Variants in GXYLT1 observed in about 807,000 individuals in gnomAD.
GXYLT1 encodes glucoside xylosyltransferase 1.
Under a neutral mutation model 54.0 loss-of-function variants are expected in GXYLT1, and 29 were observed. That is an observed-to-expected ratio of 0.54 (90% CI 0.40 to 0.73). The LOEUF is 0.73. Ranked by LOEUF, GXYLT1 falls within the 30% of genes least tolerant of loss-of-function variation. The pLI is 0.00. For missense variants in GXYLT1, 490 were observed against 553.4 expected (o/e 0.89, Z 1.15); for synonymous variants, 176 against 204.1 (o/e 0.86, Z 1.17).
rs563975525 is a variant in GXYLT1, at chr12:42,096,658, T to C, written c.1161+784A>G. ...CAATTTGCAAATAACATGGTGAAGA[T>C]TGTTTTGGGCAAGAACCAACGATAG... On this transcript the variant is annotated intron_variant, in intron 7 of 7. Transcript: ENST00000398675. 1.2e-4 allele frequency among the ~76,000 whole-genome samples: 19 copies of C among 152,280 alleles called. No homozygotes were observed. The East Asian group carries it at 2.7e-3, about 22-fold the overall frequency.
intron 2 of GXYLT1, among the ~76,000 whole-genome samples, chr12:42,122,047 G>C (rs1377083223): frequency 1.3e-5 from 2 of 152,188 alleles, no homozygotes; most frequent in Non-Finnish European, 2.9e-5. Context: ...TTGAATGGCG[G>C]AATCTTGCCA....
chr12:42,113,546 T>C lies in GXYLT1; in HGVS notation c.487-3855A>G, dbSNP rs1424967366. On this transcript the variant is annotated intron_variant, in intron 3 of 7. Coordinates refer to ENST00000398675, the MANE Select transcript of GXYLT1 (RefSeq NM_173601.2). ...AGAAGAGACAAAGAAGGCCATTACA[T>C]AATGGTAAACGGATCAATTCAACAA... 9.9e-5 allele frequency among the ~76,000 whole-genome samples: 15 copies of C among 151,258 alleles called. No homozygotes were observed. In the East Asian group the frequency reaches 2.9e-3, roughly 29 times the overall value.
chr12:42,109,392 TC>T (rs2136893425), intron 4 of GXYLT1, among the ~76,000 whole-genome samples, 173 bp downstream of exon 4: 1 of 152,302 alleles, frequency 6.6e-6, no homozygotes, highest in South Asian at 2.1e-4. Flanking sequence ...TTTTACTTGT[TC>T]CACAGGAATA....
intron 2 of GXYLT1, among the ~76,000 whole-genome samples, chr12:42,126,616 G>A (rs986047474): frequency 6.6e-6 from 1 of 152,098 alleles, no homozygotes; most frequent in African/African-American, 2.4e-5. Context: ...GATTAGGCCG[G>A]GGGCGGTGGC....
intron 1 of GXYLT1, among the ~76,000 whole-genome samples, chr12:42,141,700 T>C (rs2065653338): frequency 2.0e-5 from 3 of 152,178 alleles, no homozygotes; most frequent in Admixed American, 2.0e-4. Context: ...AAAATTTAAG[T>C]ATTATCTACA....
rs114691029 is a variant in GXYLT1, at chr12:42,133,608, T to C, written c.222-3757A>G. Among the ~76,000 whole-genome samples, 698 of 152,234 alleles carry C rather than the reference T, an allele frequency of 4.6e-3. 7 individuals carry two copies. The highest frequency in any genetic ancestry group is 0.015 in the African/African-American group (638 of 41,552). On this transcript the variant is annotated intron_variant, in intron 1 of 7. Transcript: ENST00000398675. ...CATTCTGATCTACCAACCTACTGGTTCCTCCCCAACTCACAGAAAACTAGC... is the reference window on the plus strand; with the variant it reads ...CATTCTGATCTACCAACCTACTGGTCCCTCCCCAACTCACAGAAAACTAGC...
intron 4 of GXYLT1, among the ~76,000 whole-genome samples, chr12:42,109,231 C>T (rs745459668): frequency 3.3e-5 from 5 of 152,114 alleles, no homozygotes; most frequent in East Asian, 1.9e-4. Flanking sequence ...ATAACGCCAC[C>T]GCATTTCTGC....
At chr12:42,097,872 ATTTT>A (rs745495181) in intron 6 of GXYLT1, 34 bp downstream of exon 6, 1 of 1,465,440 alleles carries the variant, frequency 6.8e-7, no homozygotes, top group African/African-American at 1.4e-5. Context: ...ATTATCTGTG[ATTTT>A]TTTAATGCAA....
rs188510374 is a variant in GXYLT1 at position 42,118,913 on chromosome 12, T to C, written c.486+87A>G. 1,516 of 975,716 alleles carry C rather than the reference T, an allele frequency of 1.6e-3. 12 individuals carry two copies. The highest frequency in any genetic ancestry group is 8.0e-3 in the South Asian group (404 of 50,476). 60.4% of individuals were successfully genotyped at this position (975,716 alleles called of 1,614,324 possible). The stretch of plus-strand genomic sequence containing the variant: ...AGTCTCAGGTAGTTATTTCTAGCAA[T>C]GTGAACAGACTATTACAACAACATT... On this transcript the variant is annotated intron_variant, in intron 3 of 7. Transcript: ENST00000398675.
At chr12:42,088,176 C>T (rs182960742) in intron 7 of GXYLT1, among the ~76,000 whole-genome samples, 103 of 151,790 alleles carry the variant, frequency 6.8e-4, no homozygotes, top group African/African-American at 2.4e-3. Flanking sequence ...GGAGAACATG[C>T]GCAAGGGCAG....
chr12:42,107,100 C>A (rs1329768517), intron 4 of GXYLT1, among the ~76,000 whole-genome samples: 2 of 152,092 alleles, frequency 1.3e-5, no homozygotes, highest in Admixed American at 1.3e-4. Context: ...CTGACTCCTA[C>A]AAATTTAAAT....
rs1221698903 is a variant in GXYLT1 at position 42,083,522 on chromosome 12, T to TA, written c.*4263dup. ...CTCTAAGGAACCAAAAAAATTATTTTAAAAAACAAATCAGTGGTCTTTCTA... is the reference window on the plus strand; with the variant it reads ...CTCTAAGGAACCAAAAAAATTATTTTAAAAAAACAAATCAGTGGTCTTTCTA... On this transcript the variant is annotated 3_prime_UTR_variant, in exon 8 of 8. Coordinates refer to ENST00000398675, the MANE Select transcript of GXYLT1 (RefSeq NM_173601.2). The TA allele has an allele frequency of 6.6e-6, 1 of 152,130 alleles. No individual in the cohort carries two copies. Among genetic ancestry groups the TA allele is most frequent in the Non-Finnish European group, 1.5e-5 (1 of 68,032 alleles). 9.4% of individuals were successfully genotyped at this position (152,130 alleles called of 1,614,324 possible).
intron 2 of GXYLT1, among the ~76,000 whole-genome samples, chr12:42,125,457 GAA>G (rs2065555059): frequency 6.6e-6 from 1 of 152,208 alleles, no homozygotes; most frequent in African/African-American, 2.4e-5. Flanking sequence ...AATGGGGAGA[GAA>G]AAGAGCAGAG....
intron 1 of GXYLT1, among the ~76,000 whole-genome samples, chr12:42,139,367 C>T (rs1481051913): frequency 6.6e-6 from 1 of 152,108 alleles, no homozygotes; most frequent in Admixed American, 6.5e-5. Flanking sequence ...TGTGTCCCCT[C>T]AAAATTCATA....
intron 2 of GXYLT1, among the ~76,000 whole-genome samples, chr12:42,121,670 T>A (rs556489199): frequency 6.7e-6 from 1 of 149,082 alleles, no homozygotes; most frequent in South Asian, 2.1e-4. Context: ...AAAAAAAAAA[T>A]CCCTCTAAAA....
chr12:42,118,016 C>T (rs1006181100), intron 3 of GXYLT1, among the ~76,000 whole-genome samples: 1 of 152,130 alleles, frequency 6.6e-6, no homozygotes, highest in African/African-American at 2.4e-5. Flanking sequence ...GCAGAAGCCT[C>T]ATGTTAAAGA....
chr12:42,108,068 G>C (rs1340407277), intron 4 of GXYLT1, among the ~76,000 whole-genome samples: 1 of 152,078 alleles, frequency 6.6e-6, no homozygotes, highest in African/African-American at 2.4e-5. Context: ...ACTTAAATCT[G>C]GTTAAAACGA....
In GXYLT1 at chr12:42,109,559, A is replaced by C; in HGVS notation, c.612+7T>G. 2 of 1,493,166 alleles carry C rather than the reference A, an allele frequency of 1.3e-6. No homozygotes were observed. The highest frequency in any genetic ancestry group is 1.8e-6 in the Non-Finnish European group (2 of 1,126,946). The allele number at this position is 1,493,166 out of a possible 1,614,324, so 92.5% of individuals were successfully genotyped here. A position where few individuals can be genotyped will look rare whatever the true frequency, so the allele number is the denominator to read the frequency against. ...AAAAAAAAAAGACACTAGGGGAAAA[A>C]ACTTACCGGCAAGAACAATCTCTGC... On this transcript the variant is annotated splice_region_variant and intron_variant, in intron 4 of 7. Transcript: ENST00000398675.
rs1431628507 is a variant in GXYLT1, at chr12:42,097,597, G to T, written c.1006C>A (p.Pro336Thr). Residue 336 changes from proline (P) to threonine (T), a missense_variant, in exon 7 of 8, where the codon CCG becomes ACG. Transcript: ENST00000398675. ...FHNPESLFVF[P>T]CQWNYRPDHC... is the part of the protein sequence containing the mutation. ...TCTGGTCGATAATTCCATTGACACG[G>T]AAAAACAAAAAGGCTTTCTACATAA... 9 of 1,601,664 alleles carry T rather than the reference G, an allele frequency of 5.6e-6. No individual in the cohort carries two copies. The highest frequency in any genetic ancestry group is 6.8e-6 in the Non-Finnish European group (8 of 1,176,798).
Sources: gnomAD v4.1 joint callset for allele counts (sites outside exome capture counted in the v4.1 genomes callset) on GRCh38, gnomAD v4.1.1 for gene constraint, MANE v1.5 for transcripts, NCBI Gene and HGNC (gene_info 2026-07-23, HGNC 2026-07-21) for gene names.